ARID2: variants seen among roughly 807,000 people sequenced by gnomAD.
ARID2 encodes AT-rich interactive domain-containing protein 2.
ARID2 carries 32 observed loss-of-function variants against 184.6 expected under a neutral mutation model. The observed-to-expected ratio is 0.17, with a 90% CI of 0.13 to 0.23. The LOEUF is 0.23. Ranked by LOEUF, ARID2 falls within the 10% of genes least tolerant of loss-of-function variation. The pLI is 1.00. For synonymous variants in ARID2, 836 were observed against 772.6 expected, an observed-to-expected ratio of 1.08 and a Z score of -1.36; for missense variants, 1,696 against 2,197.6, an observed-to-expected ratio of 0.77 and a Z score of 4.56.
intron 2 of ARID2, among the ~76,000 whole-genome samples, chr12:45,730,823 C>A (rs1478094755): frequency 7.3e-5 from 11 of 151,500 alleles, no homozygotes; most frequent in African/African-American, 2.4e-4. Context: ...CCCCGGCCCC[C>A]CCCCCAACCC....
intron 5 of ARID2, among the ~76,000 whole-genome samples, chr12:45,820,844 A>C (rs1379886509): frequency 2.0e-5 from 3 of 152,172 alleles, no homozygotes; most frequent in Non-Finnish European, 4.4e-5. Flanking sequence ...TATTAAGAAG[A>C]AGCTTACGAA....
intron 16 of ARID2, among the ~76,000 whole-genome samples, chr12:45,877,389 C>G (rs1013760056): frequency 6.6e-6 from 1 of 151,758 alleles, no homozygotes; most frequent in African/African-American, 2.4e-5. Context: ...GTTGCATGCT[C>G]CTTATGAGAA....
At chr12:45,895,566 G>A (rs547928205) in intron 20 of ARID2, among the ~76,000 whole-genome samples, 53 of 152,268 alleles carry the variant, frequency 3.5e-4, no homozygotes, top group South Asian at 2.9e-3. Flanking sequence ...ACAGAGTCTC[G>A]CTCTATCGCC....
chr12:45,850,501 A>G lies in ARID2; in HGVS notation c.2378A>G (p.Gln793Arg). Residue 793 changes from glutamine to arginine, a missense_variant, in exon 15 of 21, where the codon CAA becomes CGA. Gln to Arg is a conservative substitution (Grantham distance 43). Coordinates refer to ENST00000334344, the MANE Select transcript of ARID2 (RefSeq NM_152641.4). ...TCAGGCACTCCTGTTACAGTAATTC[A>G]ACAAGCTGTCCCACAGAGTCATATG... ...IPSGTPVTVI[Q>R]QAVPQSHMFG... 1.2e-6 allele frequency: 2 copies of G among 1,614,058 alleles called. No individual in the cohort carries two copies. The highest frequency in any genetic ancestry group is 1.7e-6 in the Non-Finnish European group (2 of 1,179,982).
At chr12:45,773,799 A>C (rs1941924397) in intron 3 of ARID2, among the ~76,000 whole-genome samples, 1 of 152,166 alleles carries the variant, frequency 6.6e-6, no homozygotes, top group African/African-American at 2.4e-5. Context: ...TTAACTAGGG[A>C]ATTCTGCCAA....
At chr12:45,769,643 A>G (rs1476873703) in intron 3 of ARID2, among the ~76,000 whole-genome samples, 1 of 152,214 alleles carries the variant, frequency 6.6e-6, no homozygotes, top group Non-Finnish European at 1.5e-5. Flanking sequence ...TTTTTCTTTC[A>G]TTGCCAAATT....
chr12:45,751,331 T>C (rs576685562), intron 3 of ARID2, among the ~76,000 whole-genome samples: 1 of 152,282 alleles, frequency 6.6e-6, no homozygotes, highest in Admixed American at 6.5e-5. Context: ...TAGGAGCCCA[T>C]TGTGGCTAGC....
At chr12:45,759,350 G>A (rs997572028) in intron 3 of ARID2, among the ~76,000 whole-genome samples, 1 of 152,142 alleles carries the variant, frequency 6.6e-6, no homozygotes, top group African/African-American at 2.4e-5. Flanking sequence ...TTGGCATGCA[G>A]ATACTTGATG....
chr12:45,801,117 C>G (rs1465881059), intron 3 of ARID2, among the ~76,000 whole-genome samples: 1 of 152,042 alleles, frequency 6.6e-6, no homozygotes, highest in East Asian at 1.9e-4. Flanking sequence ...TCGAGACCAT[C>G]CTGGCTAACA....
At chr12:45,886,024 G>A (rs374403888) in intron 16 of ARID2, among the ~76,000 whole-genome samples, 1 of 152,152 alleles carries the variant, frequency 6.6e-6, no homozygotes, top group Admixed American at 6.5e-5. Context: ...GTCCCCCAGA[G>A]TCTGAGCTCA....
chr12:45,882,688 A>AT (rs1279282463), intron 16 of ARID2, among the ~76,000 whole-genome samples: 3 of 152,234 alleles, frequency 2.0e-5, no homozygotes, highest in African/African-American at 7.2e-5. Context: ...TTAGGTTGAA[A>AT]TTAATCAGTA....
chr12:45,732,357 A>G (rs1941020090), intron 3 of ARID2, among the ~76,000 whole-genome samples: 1 of 152,206 alleles, frequency 6.6e-6, no homozygotes, highest in Non-Finnish European at 1.5e-5. Flanking sequence ...GAAATGCAGT[A>G]ATCGCACAGG....
At chr12:45,779,659 T>A (rs1942052852) in intron 3 of ARID2, among the ~76,000 whole-genome samples, 1 of 152,142 alleles carries the variant, frequency 6.6e-6, no homozygotes, top group Non-Finnish European at 1.5e-5. Context: ...TGATCATTAT[T>A]TGGATTTTTA....
At chr12:45,856,883 A>G (rs1943660687) in intron 15 of ARID2, among the ~76,000 whole-genome samples, 1 of 152,162 alleles carries the variant, frequency 6.6e-6, no homozygotes, top group Non-Finnish European at 1.5e-5. Flanking sequence ...GCTTATTTCA[A>G]ATGTAATACT....
In ARID2 at chr12:45,852,075, C is replaced by G. The variant is rs2138175834; in HGVS notation, c.3952C>G (p.Gln1318Glu). Reference sequence around the variant, plus strand: ...AGGGAAAATTCAAAGTGAGACTAATCAGTGCTCACTAATCAGTAATGGGCC... The same window carrying G: ...AGGGAAAATTCAAAGTGAGACTAATGAGTGCTCACTAATCAGTAATGGGCC... ...NSGKIQSETN[Q>E]CSLISNGPSL... The change falls in exon 15 of 21, where the codon CAG becomes GAG. Residue 1318 changes from glutamine to glutamate, a missense_variant. Gln to Glu is a conservative substitution (Grantham distance 29). Around this residue, in one of 11 missense-constraint regions of ARID2, gnomAD observed 428 missense variants for 409.1 expected, o/e 1.05. Coordinates refer to ENST00000334344, the MANE Select transcript of ARID2 (RefSeq NM_152641.4). 2 of 1,614,082 alleles carry G rather than the reference C, an allele frequency of 1.2e-6. No individual in the cohort carries two copies. The highest frequency in any genetic ancestry group is 1.7e-5 in the Admixed American group (1 of 60,016).
intron 3 of ARID2, among the ~76,000 whole-genome samples, chr12:45,732,628 A>C (rs1442732253): frequency 6.6e-6 from 1 of 152,134 alleles, no homozygotes; most frequent in East Asian, 1.9e-4. Context: ...CGTGACATTC[A>C]TTTGCTCATT....
At chr12:45,745,414 A>G (rs1941336086) in intron 3 of ARID2, among the ~76,000 whole-genome samples, 1 of 152,184 alleles carries the variant, frequency 6.6e-6, no homozygotes, top group Admixed American at 6.6e-5. Flanking sequence ...GATTATTACT[A>G]CTGAATGATG....
At chr12:45,787,285 G>A (rs1475357679) in intron 3 of ARID2, among the ~76,000 whole-genome samples, 3 of 150,084 alleles carry the variant, frequency 2.0e-5, no homozygotes, top group Admixed American at 6.7e-5. Flanking sequence ...TGGCACAATC[G>A]CGGCTCACTA....
intron 3 of ARID2, among the ~76,000 whole-genome samples, chr12:45,808,872 C>G (rs1446756341): frequency 6.6e-6 from 1 of 152,124 alleles, no homozygotes; most frequent in Non-Finnish European, 1.5e-5. Context: ...TCAAACAATT[C>G]TTGTACTTCA....
Sources: gnomAD v4.1 joint callset for allele counts (sites outside exome capture counted in the v4.1 genomes callset) on GRCh38, gnomAD v4.1.1 for gene constraint, gnomAD v4.1.1 regional missense constraint, MANE v1.5 for transcripts, NCBI Gene and HGNC (gene_info 2026-07-23, HGNC 2026-07-21) for gene names.